The following ST18 variants were observed in gnomAD, a reference collection of about 807,000 sequenced individuals.
ST18 encodes suppression of tumorigenicity 18 protein.
Under a neutral mutation model 110.0 loss-of-function variants are expected in ST18, and 50 were observed. That is an observed-to-expected ratio of 0.45 (90% CI 0.36 to 0.58). The LOEUF is 0.58. ST18 is among the 20% of genes least tolerant of loss of function. The pLI, the probability that ST18 is intolerant of heterozygous loss-of-function variation, is 0.00. For synonymous variants in ST18, 461 were observed against 452.4 expected (o/e 1.02, Z -0.24); for missense variants, 1,306 against 1,280.1 (o/e 1.02, Z -0.31).
intron 22 of ST18, among the ~76,000 whole-genome samples, chr8:52,126,830 G>A (rs911273273): frequency 1.3e-5 from 2 of 152,162 alleles, no homozygotes; most frequent in Non-Finnish European, 2.9e-5. Context: ...CTTCCATTTA[G>A]TAGTGGCACT....
chr8:52,146,334 C>T (rs2057262978), intron 16 of ST18, among the ~76,000 whole-genome samples: 2 of 152,270 alleles, frequency 1.3e-5, no homozygotes, highest in Admixed American at 1.3e-4. Flanking sequence ...ACAACTGTTG[C>T]CGCCAACACA....
chr8:52,194,947 C>T (rs2135130711), intron 8 of ST18, among the ~76,000 whole-genome samples: 1 of 152,308 alleles, frequency 6.6e-6, no homozygotes, highest in South Asian at 2.1e-4. Flanking sequence ...CAAAATTATA[C>T]ACCAACATTT....
chr8:52,171,706 T>C (rs1192121110), intron 10 of ST18, 86 bp downstream of exon 10: 1 of 1,431,810 alleles, frequency 7.0e-7, no homozygotes, highest in Non-Finnish European at 9.7e-7. Flanking sequence ...GTTAAAAAGC[T>C]ACCTGAAAAA....
At position 52,113,124 on chromosome 8, in the gene ST18, T is replaced by C; in HGVS notation, c.*74A>G. The C allele has an allele frequency of 6.3e-7, 1 of 1,582,774 alleles. No individual in the cohort carries two copies. The highest frequency in any genetic ancestry group is 1.2e-5 in the South Asian group (1 of 85,946). On this transcript the variant is annotated 3_prime_UTR_variant, in exon 26 of 26. Coordinates refer to ENST00000689386, the MANE Select transcript of ST18 (RefSeq NM_001352837.2). ...TACGGCAACCTCCACGCCTTAGCAG[T>C]ACATGAACCTCTAACAGATCCATCT...
chr8:52,407,195 G>A (rs1844826537), intron 2 of ST18: 1 of 152,160 alleles, frequency 6.6e-6, no homozygotes, highest in South Asian at 2.1e-4. Flanking sequence ...TTCTGTTCCA[G>A]TCTAGTAGGT....
intron 2 of ST18, among the ~76,000 whole-genome samples, chr8:52,342,997 G>A (rs1815857311): frequency 6.6e-6 from 1 of 152,250 alleles, no homozygotes; most frequent in Admixed American, 6.5e-5. Flanking sequence ...GTATCAATCT[G>A]GAAATACGTT....
At chr8:52,147,095 T>C (rs981128272) in intron 16 of ST18, among the ~76,000 whole-genome samples, 1 of 152,092 alleles carries the variant, frequency 6.6e-6, no homozygotes, top group African/African-American at 2.4e-5. Flanking sequence ...AGGTTGAAAA[T>C]TGTAGCAGTC....
intron 2 of ST18, among the ~76,000 whole-genome samples, chr8:52,271,768 A>G (rs2095084529): frequency 6.6e-6 from 1 of 152,240 alleles, no homozygotes; most frequent in South Asian, 2.1e-4. Flanking sequence ...TTTAATACTG[A>G]GAAGAAGCTG....
chr8:52,217,161 CAG>C (rs2084620728), intron 6 of ST18, among the ~76,000 whole-genome samples: 2 of 152,090 alleles, frequency 1.3e-5, no homozygotes, highest in African/African-American at 4.8e-5. Context: ...TTTCTCAAAA[CAG>C]AGGTTTTATT....
intron 8 of ST18, among the ~76,000 whole-genome samples, chr8:52,186,358 T>TA (rs1356864748): frequency 2.0e-5 from 3 of 152,166 alleles, no homozygotes; most frequent in Non-Finnish European, 4.4e-5. Context: ...TGCAAACACC[T>TA]ACACTTAGGT....
chr8:52,141,482 G>C (rs2055015403), intron 17 of ST18, among the ~76,000 whole-genome samples: 1 of 152,202 alleles, frequency 6.6e-6, no homozygotes, highest in African/African-American at 2.4e-5. Flanking sequence ...AAAGACGGAG[G>C]AGAGAAGACC....
At chr8:52,166,603 T>C (rs2063074562) in intron 11 of ST18, among the ~76,000 whole-genome samples, 1 of 152,342 alleles carries the variant, frequency 6.6e-6, no homozygotes, top group South Asian at 2.1e-4. Flanking sequence ...GGCCTGGCCC[T>C]TCCTCTGGAC....
intron 2 of ST18, among the ~76,000 whole-genome samples, chr8:52,348,167 C>T (rs1818579215): frequency 6.6e-6 from 1 of 152,138 alleles, no homozygotes; most frequent in South Asian, 2.1e-4. Context: ...ATAAGTATCA[C>T]ATGTGGCTCA....
chr8:52,404,446 C>T (rs1253751547), intron 2 of ST18: 1 of 152,146 alleles, frequency 6.6e-6, no homozygotes, highest in Non-Finnish European at 1.5e-5. Flanking sequence ...CACATCACTC[C>T]TTCCCCAGTC....
Position 52,113,106 on chromosome 8 carries a change from A to T in ST18, c.*92T>A. On this transcript the variant is annotated 3_prime_UTR_variant, in exon 26 of 26. Coordinates refer to ENST00000689386, the MANE Select transcript of ST18 (RefSeq NM_001352837.2). ...TGCAAATTGTAAATGCAGTACGGCA[A>T]CCTCCACGCCTTAGCAGTACATGAA... 6.8e-7 allele frequency: 1 copy of T among 1,460,330 alleles called. No homozygotes were observed. 90.5% of individuals were successfully genotyped at this position (1,460,330 alleles called of 1,614,324 possible).
chr8:52,232,459 T>C (rs1383248536), intron 2 of ST18, among the ~76,000 whole-genome samples: 1 of 152,146 alleles, frequency 6.6e-6, no homozygotes, highest in Non-Finnish European at 1.5e-5. Flanking sequence ...AAACGTCAAA[T>C]AAATATGCAA....
intron 2 of ST18, among the ~76,000 whole-genome samples, chr8:52,371,958 C>T (rs909207223): frequency 1.4e-4 from 22 of 152,116 alleles, no homozygotes; most frequent in Non-Finnish European, 2.5e-4. Context: ...ATTTTATCTT[C>T]ATTTTAGAGT....
At position 52,159,024 on chromosome 8, in the gene ST18, A is replaced by G; in HGVS notation, c.1680T>C (p.Ser560=). The change falls in exon 15 of 26, where the codon TCT becomes TCC. Residue 560 remains serine (S), a synonymous_variant. Coordinates refer to ENST00000689386, the MANE Select transcript of ST18 (RefSeq NM_001352837.2). ...AHTQSPGRAS[S]YSYGQCSEDT... is the part of the protein sequence containing the mutation. ...CTTCACTACATTGACCGTAGCTATAAGAGCTGGCACGGCCAGGGCTCTGGG... is the reference window on the plus strand; with the variant it reads ...CTTCACTACATTGACCGTAGCTATAGGAGCTGGCACGGCCAGGGCTCTGGG... 1 of 1,614,190 alleles carries G rather than the reference A, an allele frequency of 6.2e-7. No homozygotes were observed. The highest frequency in any genetic ancestry group is 1.1e-5 in the South Asian group (1 of 91,078).
At chr8:52,290,120 T>G (rs2095533128) in intron 2 of ST18, among the ~76,000 whole-genome samples, 1 of 152,134 alleles carries the variant, frequency 6.6e-6, no homozygotes, top group Non-Finnish European at 1.5e-5. Flanking sequence ...ACCATCTATC[T>G]CCTGCAGCTT....
Sources: gnomAD v4.1 joint callset for allele counts (sites outside exome capture counted in the v4.1 genomes callset) on GRCh38, gnomAD v4.1.1 for gene constraint, MANE v1.5 for transcripts, NCBI Gene and HGNC (gene_info 2026-07-23, HGNC 2026-07-21) for gene names.